The following PEAK1 variants were observed in gnomAD, a reference collection of about 807,000 sequenced individuals.
PEAK1 encodes inactive tyrosine-protein kinase PEAK1.
Under a neutral mutation model 124.7 loss-of-function variants are expected in PEAK1, and 54 were observed. That is an observed-to-expected ratio of 0.43 (90% CI 0.35 to 0.54). The LOEUF (loss-of-function observed/expected upper bound fraction) is 0.54, where lower values mean the gene tolerates loss of function less well. Among genes scored for constraint, PEAK1 ranks in the 20% least tolerant of loss-of-function variants. The pLI is 0.01. For synonymous variants in PEAK1, 719 were observed against 760.0 expected (o/e 0.95, Z 0.89); for missense variants, 2,046 against 2,134.5 (o/e 0.96, Z 0.82).
intron 7 of PEAK1, among the ~76,000 whole-genome samples, chr15:77,175,260 A>G (rs1453491869): frequency 1.3e-5 from 2 of 152,230 alleles, no homozygotes; most frequent in Non-Finnish European, 1.5e-5. Context: ...ATGGGATCTA[A>G]TTAAACTAAA....
At position 77,376,850 on chromosome 15, in the gene PEAK1, C is replaced by G. The variant is rs548049852; in HGVS notation, c.-665-11625G>C. On this transcript the variant is annotated intron_variant, in intron 1 of 9. Coordinates refer to ENST00000682557, the MANE Select transcript of PEAK1 (RefSeq NM_001385026.1). ...ACTTTTTTATTTGAAAGAAATCATG[C>G]CTTTAACAAAAGCTGTATTACAGTT... Among the ~76,000 whole-genome samples the G allele has an allele frequency of 3.9e-4, 60 of 152,216 alleles. 1 individual carries two copies. The South Asian group carries it at 0.012, about 31-fold the overall frequency.
chr15:77,350,610 TAAA>T (rs35739571), intron 2 of PEAK1: 105 of 901,596 alleles, frequency 1.2e-4, no homozygotes, highest in Non-Finnish European at 1.2e-4. Flanking sequence ...GAGATTCAAG[TAAA>T]AAAAAAAAAA....
intron 2 of PEAK1, among the ~76,000 whole-genome samples, chr15:77,353,936 C>T (rs1010137098): frequency 1.3e-5 from 2 of 152,186 alleles, no homozygotes; most frequent in Non-Finnish European, 2.9e-5. Context: ...TGTTACATTT[C>T]TCTCCTGATT....
chr15:77,122,308 G>C (rs1219653156), intron 9 of PEAK1, among the ~76,000 whole-genome samples: 5 of 152,148 alleles, frequency 3.3e-5, no homozygotes, highest in Admixed American at 3.3e-4. Context: ...GAAGGTAACT[G>C]TGTAAGATTT....
At chr15:77,345,834 T>TA in intron 2 of PEAK1, 1 of 819,212 alleles carries the variant, frequency 1.2e-6, no homozygotes, top group Middle Eastern at 6.4e-4. Context: ...ATACAGGTAT[T>TA]AAAGTATTAC....
chr15:77,261,357 G>T (rs1030859830), intron 5 of PEAK1, among the ~76,000 whole-genome samples: 1 of 152,140 alleles, frequency 6.6e-6, no homozygotes, highest in Non-Finnish European at 1.5e-5. Context: ...CCATGGCAAA[G>T]AAGTTAAAAA....
intron 6 of PEAK1, among the ~76,000 whole-genome samples, chr15:77,210,902 C>T (rs2058874491): frequency 6.6e-6 from 1 of 152,130 alleles, no homozygotes; most frequent in Middle Eastern, 3.2e-3. Context: ...AAAACAAAAA[C>T]AAAATTCACA....
chr15:77,260,420 TATCA>T (rs2061378656), intron 5 of PEAK1, among the ~76,000 whole-genome samples: 2 of 151,320 alleles, frequency 1.3e-5, no homozygotes, highest in Admixed American at 6.6e-5. Flanking sequence ...ACCAGAAAAA[TATCA>T]ATCAATAGAA....
At chr15:77,367,640 G>A (rs13380202) in intron 1 of PEAK1, among the ~76,000 whole-genome samples, 33,896 of 152,072 alleles carry the variant, frequency 0.22, 4,215 homozygotes, top group Middle Eastern at 0.3. Flanking sequence ...TACATACAAT[G>A]TTAATAGTGC....
At chr15:77,356,916 G>A (rs959576812) in intron 2 of PEAK1, among the ~76,000 whole-genome samples, 1 of 152,132 alleles carries the variant, frequency 6.6e-6, no homozygotes, top group African/African-American at 2.4e-5. Context: ...CTATAAACAC[G>A]AATGAAGTAG....
Position 77,183,078 on chromosome 15 carries a change from C to A in PEAK1, c.-114-1038G>T, listed in dbSNP as rs112429256. 3.4e-4 allele frequency among the ~76,000 whole-genome samples: 52 copies of A among 152,282 alleles called. 2 individuals are homozygous for A. Among genetic ancestry groups the A allele is most frequent in the African/African-American group, 1.2e-3 (49 of 41,556 alleles). On this transcript the variant is annotated intron_variant, in intron 6 of 9. Coordinates refer to ENST00000682557, the MANE Select transcript of PEAK1 (RefSeq NM_001385026.1). ...CCCAGAGGCCAAATGTAGCTTATTC[C>A]TGTTTTTGTATCCCAAGGTTAAGGA...
intron 5 of PEAK1, among the ~76,000 whole-genome samples, chr15:77,262,594 C>T (rs943447682): frequency 6.8e-6 from 1 of 148,140 alleles, no homozygotes; most frequent in Non-Finnish European, 1.5e-5. Context: ...TACAGGAGCA[C>T]CCAGATTCAT....
rs1468255970 is a variant in PEAK1 at position 77,283,995 on chromosome 15, A to G, written c.-387T>C. The G allele has an allele frequency of 1.0e-6, 1 of 984,748 alleles. No homozygotes were observed. Among genetic ancestry groups the G allele is most frequent in the Non-Finnish European group, 1.2e-6 (1 of 829,432 alleles). 61.0% of individuals were successfully genotyped at this position (984,748 alleles called of 1,614,324 possible). ...AATCATTGAATTCTCACTTTCTCAC[A>G]AAATGGTACTTCATTGAAGGATGTA... is the stretch of plus-strand genomic sequence containing the variant. On this transcript the variant is annotated 5_prime_UTR_variant, in exon 5 of 10. Coordinates refer to ENST00000682557, the MANE Select transcript of PEAK1 (RefSeq NM_001385026.1).
Position 77,114,456 on chromosome 15 carries a change from A to T in PEAK1, c.4941T>A (p.Asn1647Lys). The T allele has an allele frequency of 6.2e-7, 1 of 1,613,970 alleles. No individual in the cohort carries two copies. The highest frequency in any genetic ancestry group is 8.5e-7 in the Non-Finnish European group (1 of 1,179,966). The change falls in exon 10 of 10, where the codon AAT (asparagine) becomes AAA (lysine). Residue 1647 changes from asparagine to lysine, a missense_variant. By Grantham distance (94) the Asn-to-Lys change is moderately conservative (BLOSUM62 0). Coordinates refer to ENST00000682557, the MANE Select transcript of PEAK1 (RefSeq NM_001385026.1). ...GLQQLASCLL[N>K]PNPSERILIS... ...TGAGGATCCGCTCAGAAGGGTTGGG[A>T]TTCAGGAGGCAGCTGGCCAGCTGCT...
At chr15:77,324,583 A>G (rs1017794712) in intron 2 of PEAK1, among the ~76,000 whole-genome samples, 3 of 152,182 alleles carry the variant, frequency 2.0e-5, no homozygotes, top group African/African-American at 7.2e-5. Context: ...AAAGAGGTAT[A>G]TTTGGCTTAT....
upstream of PEAK1, chr15:77,420,624 T>TAAAAA (rs10660461): frequency 4.3e-3 from 1,406 of 330,748 alleles, 1 homozygote; most frequent in Middle Eastern, 6.7e-3. Flanking sequence ...GCCTTCGCAA[T>TAAAAA]AAAAAAAAAA....
At chr15:77,279,114 TGTGTG>T (rs2062520461) in intron 5 of PEAK1, among the ~76,000 whole-genome samples, 2 of 150,922 alleles carry the variant, frequency 1.3e-5, no homozygotes, top group African/African-American at 4.9e-5. Flanking sequence ...CGTGTGTGTG[TGTGTG>T]TGTGTGTGTG....
chr15:77,370,530 A>T, intron 1 of PEAK1: 2 of 182,200 alleles, frequency 1.1e-5, no homozygotes, highest in Non-Finnish European at 2.1e-5. Context: ...TTCTTATAGT[A>T]GTGATTCTCA....
intron 7 of PEAK1, among the ~76,000 whole-genome samples, chr15:77,168,979 G>C (rs551707065): frequency 6.6e-6 from 1 of 152,248 alleles, no homozygotes; most frequent in Admixed American, 6.5e-5. Context: ...TTAGCTAAAG[G>C]CCATTCAGGC....
Sources: gnomAD v4.1 joint callset for allele counts (sites outside exome capture counted in the v4.1 genomes callset) on GRCh38, gnomAD v4.1.1 for gene constraint, MANE v1.5 for transcripts, NCBI Gene and HGNC (gene_info 2026-07-23, HGNC 2026-07-21) for gene names.